Variants in APBB2 observed in about 807,000 individuals in gnomAD.
APBB2 encodes the protein amyloid beta precursor protein binding family B member 2.
In APBB2, 38 loss-of-function variants were observed where a neutral mutation model predicts 82.5. The ratio of observed to expected loss-of-function variants is 0.46; its 90% confidence interval spans 0.36 to 0.60. The LOEUF (loss-of-function observed/expected upper bound fraction) is 0.60. APBB2 is among the 20% of genes least tolerant of loss of function. APBB2 has a pLI of 0.00. For synonymous variants in APBB2, 341 were observed against 368.2 expected (o/e 0.93, Z 0.85); for missense variants, 772 against 972.3 (o/e 0.79, Z 2.74).
chr4:41,048,883 C>T (rs937666639), intron 4 of APBB2, among the ~76,000 whole-genome samples: 21 of 152,160 alleles, frequency 1.4e-4, no homozygotes, highest in Non-Finnish European at 2.6e-4. Context: ...CTGTGTTGGC[C>T]GGGCTGGTCT....
At chr4:40,853,432 G>A (rs1479203255) in intron 12 of APBB2, among the ~76,000 whole-genome samples, 1 of 151,118 alleles carries the variant, frequency 6.6e-6, no homozygotes, top group African/African-American at 2.4e-5. Flanking sequence ...CACGTTGAGT[G>A]CTCCACTTCC....
At chr4:40,903,887 A>C (rs550126876) in intron 10 of APBB2, among the ~76,000 whole-genome samples, 1 of 152,326 alleles carries the variant, frequency 6.6e-6, no homozygotes, top group Admixed American at 6.5e-5. Flanking sequence ...TATTCCTGCT[A>C]TATGTGACTA....
At chr4:41,001,949 G>C (rs1207509070) in intron 6 of APBB2, among the ~76,000 whole-genome samples, 2 of 151,882 alleles carry the variant, frequency 1.3e-5, no homozygotes, top group African/African-American at 4.8e-5. Flanking sequence ...TCACCTCTTA[G>C]GTACCAACAC....
rs114490571 is a variant in APBB2, at chr4:40,855,830, T to C, written c.1530-25253A>G. Among the ~76,000 whole-genome samples the C allele has an allele frequency of 4.1e-3, 621 of 152,330 alleles. 4 individuals carry two copies. Among genetic ancestry groups the C allele is most frequent in the African/African-American group, 0.013 (559 of 41,588 alleles). ...CTTCTTTGATAATACTGGCTGATGCTTTATGGAAAGTCTTTCCCCTCTTAA... is the reference window on the plus strand; with the variant it reads ...CTTCTTTGATAATACTGGCTGATGCCTTATGGAAAGTCTTTCCCCTCTTAA... On this transcript the variant is annotated intron_variant, in intron 12 of 17. Coordinates refer to ENST00000508593, the MANE Select transcript of APBB2 (RefSeq NM_004307.2).
intron 10 of APBB2, among the ~76,000 whole-genome samples, chr4:40,915,854 C>T (rs575046447): frequency 1.4e-3 from 217 of 152,126 alleles, no homozygotes; most frequent in African/African-American, 5.0e-3. Context: ...TCTCATTTCA[C>T]GAATGAGTAA....
intron 5 of APBB2, among the ~76,000 whole-genome samples, chr4:41,031,292 T>TA (rs1716691389): frequency 6.6e-6 from 1 of 152,162 alleles, no homozygotes; most frequent in Non-Finnish European, 1.5e-5. Context: ...GATGTCCCTG[T>TA]AGTCACAGCT....
intron 6 of APBB2, among the ~76,000 whole-genome samples, chr4:40,981,132 G>A (rs759643451): frequency 3.9e-5 from 6 of 152,154 alleles, no homozygotes; most frequent in African/African-American, 7.2e-5. Flanking sequence ...TAGTGCTAGG[G>A]TTAGCAAGAA....
chr4:41,033,650 A>T (rs1210472729), intron 4 of APBB2, among the ~76,000 whole-genome samples: 1 of 151,444 alleles, frequency 6.6e-6, no homozygotes, highest in Non-Finnish European at 1.5e-5. Flanking sequence ...AAAAAAAAAA[A>T]TTGGTACATT....
At chr4:40,903,829 G>A (rs1037703912) in intron 10 of APBB2, among the ~76,000 whole-genome samples, 3 of 152,164 alleles carry the variant, frequency 2.0e-5, no homozygotes, top group African/African-American at 7.2e-5. Flanking sequence ...CTGCTCTATG[G>A]AGACCTTTTC....
intron 12 of APBB2, among the ~76,000 whole-genome samples, chr4:40,863,866 C>T (rs1183608472): frequency 1.6e-5 from 2 of 128,720 alleles, no homozygotes; most frequent in Non-Finnish European, 3.2e-5. Flanking sequence ...TGCACTCCAG[C>T]CTGGGTGACA....
chr4:40,914,935 T>C (rs1779480704), intron 10 of APBB2, among the ~76,000 whole-genome samples: 1 of 152,220 alleles, frequency 6.6e-6, no homozygotes, highest in South Asian at 2.1e-4. Context: ...GTTCTGCTAC[T>C]GACTAGAACC....
chr4:40,823,952 C>T (rs2154297295), intron 15 of APBB2, among the ~76,000 whole-genome samples, 193 bp from the exon 16 acceptor site: 1 of 152,220 alleles, frequency 6.6e-6, no homozygotes, highest in African/African-American at 2.4e-5. Context: ...CCTGTAATCT[C>T]AGCACTTTGG....
chr4:41,001,465 A>C (rs758372547), intron 6 of APBB2, among the ~76,000 whole-genome samples: 1 of 152,270 alleles, frequency 6.6e-6, no homozygotes, highest in Non-Finnish European at 1.5e-5. Flanking sequence ...CTATATGAAG[A>C]ATTCTTCAAG....
chr4:40,930,450 CGCGCGCGCGCGCGCGCGT>C (rs1783876119), intron 10 of APBB2, among the ~76,000 whole-genome samples: 2 of 57,274 alleles, frequency 3.5e-5, no homozygotes, highest in Non-Finnish European at 3.3e-5. Flanking sequence ...TGTGTGTGTG[CGCGCGCGCGCGCGCGCGT>C]GCGCGTGCGC....
chr4:40,977,421 T>C (rs1001228778), intron 6 of APBB2, among the ~76,000 whole-genome samples: 67 of 151,952 alleles, frequency 4.4e-4, no homozygotes, highest in Non-Finnish European at 1.0e-4. Context: ...CAAGCGATTC[T>C]CATGCTACAG....
intron 11 of APBB2, among the ~76,000 whole-genome samples, chr4:40,891,460 G>A (rs966931684): frequency 2.6e-5 from 4 of 152,226 alleles, no homozygotes; most frequent in African/African-American, 9.6e-5. Context: ...GCAGAACAGT[G>A]AGGCTTCTCG....
At chr4:41,000,105 G>GTGTGTGTGTA (rs10694468) in intron 6 of APBB2, among the ~76,000 whole-genome samples, 5,881 of 134,768 alleles carry the variant, frequency 0.044, 248 homozygotes, top group East Asian at 0.086. Context: ...GTGTGTGTGT[G>GTGTGTGTGTA]TATAAATTAG....
chr4:40,828,774 C>T (rs773898712), intron 13 of APBB2, among the ~76,000 whole-genome samples: 51 of 152,346 alleles, frequency 3.3e-4, no homozygotes, highest in Non-Finnish European at 5.0e-4. Context: ...CGGGAATAAA[C>T]GTGGTGATCT....
chr4:41,098,630 T>G (rs1282084544), intron 3 of APBB2, among the ~76,000 whole-genome samples: 3 of 152,182 alleles, frequency 2.0e-5, no homozygotes, highest in Non-Finnish European at 2.9e-5. Context: ...AATGCTACAA[T>G]GTATCCCAAA....
Sources: gnomAD v4.1 joint callset for allele counts (sites outside exome capture counted in the v4.1 genomes callset) on GRCh38, gnomAD v4.1.1 for gene constraint, MANE v1.5 for transcripts, NCBI Gene and HGNC (gene_info 2026-07-23, HGNC 2026-07-21) for gene names.